Variants in GRB10 observed in about 807,000 individuals in gnomAD.
The protein encoded by GRB10 is growth factor receptor bound protein 10.
GRB10 carries 20 observed loss-of-function variants against 80.9 expected under a neutral mutation model. The ratio of observed to expected loss-of-function variants is 0.25; its 90% CI spans 0.17 to 0.36. The LOEUF is 0.36. Ranked by LOEUF, GRB10 falls within the 10% of genes least tolerant of loss-of-function variation. The pLI is 1.00. For synonymous variants in GRB10, 291 were observed against 291.5 expected (o/e 1.00, Z 0.02); for missense variants, 548 against 747.7 (o/e 0.73, Z 3.12).
intron 4 of GRB10, among the ~76,000 whole-genome samples, chr7:50,716,243 A>C (rs1277348262): frequency 6.6e-6 from 1 of 152,224 alleles, no homozygotes; most frequent in Non-Finnish European, 1.5e-5. Flanking sequence ...GTCCTGCCTC[A>C]ACAGTGGGGG....
intron 17 of GRB10, among the ~76,000 whole-genome samples, chr7:50,599,211 G>A (rs1423624517): frequency 6.6e-6 from 1 of 152,144 alleles, no homozygotes; most frequent in Admixed American, 6.5e-5. Flanking sequence ...CCTGGATCCT[G>A]GGATTTCAGG....
At chr7:50,721,106 C>T (rs2067651607) in intron 4 of GRB10, among the ~76,000 whole-genome samples, 1 of 152,244 alleles carries the variant, frequency 6.6e-6, no homozygotes, top group African/African-American at 2.4e-5. Context: ...AGTAAAGGTA[C>T]CCAAACACGA....
At chr7:50,613,732 G>A (rs185961429) in intron 12 of GRB10, among the ~76,000 whole-genome samples, 1 of 152,296 alleles carries the variant, frequency 6.6e-6, no homozygotes, top group East Asian at 1.9e-4. Context: ...CTCCAGCCCC[G>A]CCTGAGGCTG....
At position 50,683,060 on chromosome 7, in the gene GRB10, C is replaced by T. The variant is rs79347810; in HGVS notation, c.140-8402G>A. Among the ~76,000 whole-genome samples the T allele has an allele frequency of 5.7e-3, 875 of 152,236 alleles. 10 individuals carry two copies. The highest frequency in any genetic ancestry group is 0.02 in the African/African-American group (833 of 41,536). ...AACAGCACTATTCACAACCCAAAGG[C>T]GGAAACAGCACAAGTGCCCCTCAAC... On this transcript the variant is annotated intron_variant, in intron 5 of 18. Coordinates refer to ENST00000401949, the MANE Select transcript of GRB10 (RefSeq NM_001350814.2).
rs1321397158 is a variant in GRB10, at chr7:50,590,370, T to G, written c.*2582A>C. On this transcript the variant is annotated 3_prime_UTR_variant, in exon 19 of 19. Transcript: ENST00000401949. Reference sequence around the variant, plus strand: ...AGAGATCGGTCATACTGTCAGGTATTAAGTGCAGAAAAGAGAAGACAAAAC... The same window carrying G: ...AGAGATCGGTCATACTGTCAGGTATGAAGTGCAGAAAAGAGAAGACAAAAC... 1 of 152,218 alleles carries G rather than the reference T, an allele frequency of 6.6e-6. No homozygotes were observed. Among genetic ancestry groups the G allele is most frequent in the African/African-American group, 2.4e-5 (1 of 41,452 alleles). 9.4% of individuals were successfully genotyped at this position (152,218 alleles called of 1,614,324 possible). A position where few individuals can be genotyped will look rare whatever the true frequency, so the allele number is the denominator to read the frequency against.
chr7:50,617,732 A>G, intron 10 of GRB10: 1 of 402,672 alleles, frequency 2.5e-6, no homozygotes, highest in Non-Finnish European at 4.5e-6. Context: ...CTGCTCAGAA[A>G]GGAGCTGGGG....
chr7:50,767,767 T>C lies in GRB10; in HGVS notation c.-216-11711A>G, dbSNP rs114574158. Among the ~76,000 whole-genome samples, 248 of 152,306 alleles carry C rather than the reference T, an allele frequency of 1.6e-3. 1 individual carries two copies. The highest frequency in any genetic ancestry group is 4.1e-3 in the African/African-American group (171 of 41,560). On this transcript the variant is annotated intron_variant, in intron 2 of 18. Coordinates refer to ENST00000401949, the MANE Select transcript of GRB10 (RefSeq NM_001350814.2). ...GCAGTGAGCCACTAGGCCCGCCATG[T>C]TGGGGACCCTGACTGTGTCCTACAC...
At chr7:50,734,174 G>A (rs1219249317) in intron 3 of GRB10, among the ~76,000 whole-genome samples, 2 of 152,130 alleles carry the variant, frequency 1.3e-5, no homozygotes, top group Admixed American at 6.5e-5. Flanking sequence ...TTTGCTGCCA[G>A]ATCGCAGGAC....
At chr7:50,645,811 C>T (rs1033304828) in intron 7 of GRB10, among the ~76,000 whole-genome samples, 1 of 152,180 alleles carries the variant, frequency 6.6e-6, no homozygotes, top group East Asian at 1.9e-4. Flanking sequence ...AGGGAACTGT[C>T]ACCAGAGCCC....
chr7:50,678,272 C>T (rs1235474986), intron 5 of GRB10, among the ~76,000 whole-genome samples: 1 of 152,224 alleles, frequency 6.6e-6, no homozygotes, highest in Non-Finnish European at 1.5e-5. Flanking sequence ...CTTTTACTCT[C>T]CTCTGAGGTG....
chr7:50,603,353 G>A (rs890742054), intron 17 of GRB10, among the ~76,000 whole-genome samples: 1 of 152,186 alleles, frequency 6.6e-6, no homozygotes, highest in Non-Finnish European at 1.5e-5. Context: ...CGGGATGGTG[G>A]CAAATGTGAT....
chr7:50,737,395 T>TG (rs748299520), intron 3 of GRB10, among the ~76,000 whole-genome samples: 6 of 152,230 alleles, frequency 3.9e-5, no homozygotes, highest in Non-Finnish European at 8.8e-5. Flanking sequence ...ACGTAAGATG[T>TG]GCTTCCTTCC....
At position 50,773,207 on chromosome 7, in the gene GRB10, G is replaced by A. The variant is rs554788058; in HGVS notation, c.-217+7420C>T. ...AATAGCATGGGAAAGACCCAACCCC[G>A]TGATTCAATTACCTCCCACCAGGTC... is the stretch of plus-strand genomic sequence containing the variant. On this transcript the variant is annotated intron_variant, in intron 2 of 18. Coordinates refer to ENST00000401949, the MANE Select transcript of GRB10 (RefSeq NM_001350814.2). 4.0e-5 allele frequency among the ~76,000 whole-genome samples: 6 copies of A among 151,804 alleles called. No individual in the cohort carries two copies. The South Asian group carries it at 6.2e-4, about 16-fold the overall frequency.
At chr7:50,612,175 T>C (rs1243667054) in intron 13 of GRB10, among the ~76,000 whole-genome samples, 1 of 152,250 alleles carries the variant, frequency 6.6e-6, no homozygotes, top group African/African-American at 2.4e-5. Context: ...GTATAATTCA[T>C]CATGTTTACT....
intron 7 of GRB10, among the ~76,000 whole-genome samples, chr7:50,662,492 G>T (rs1414024173): frequency 6.6e-6 from 1 of 152,206 alleles, no homozygotes; most frequent in Non-Finnish European, 1.5e-5. Flanking sequence ...CCAGGCAGGA[G>T]GGGGGACAGA....
chr7:50,615,481 G>T (rs1394660250), intron 11 of GRB10, among the ~76,000 whole-genome samples: 1 of 152,194 alleles, frequency 6.6e-6, no homozygotes, highest in South Asian at 2.1e-4. Flanking sequence ...CCCAGGTGTC[G>T]GCAGCTGCTG....
At chr7:50,726,756 G>A (rs9649765) in intron 4 of GRB10, among the ~76,000 whole-genome samples, 3,379 of 152,220 alleles carry the variant, frequency 0.022, 138 homozygotes, top group East Asian at 0.18. Flanking sequence ...GGCATTTCAT[G>A]ATCAAAGAAA....
chr7:50,722,711 G>T (rs1423673637), intron 4 of GRB10, among the ~76,000 whole-genome samples: 1 of 152,022 alleles, frequency 6.6e-6, no homozygotes, highest in Non-Finnish European at 1.5e-5. Flanking sequence ...TGATGAGGTG[G>T]GGTGACAGGG....
intron 4 of GRB10, among the ~76,000 whole-genome samples, chr7:50,719,870 T>A (rs1451959521): frequency 6.6e-6 from 1 of 151,982 alleles, no homozygotes; most frequent in Non-Finnish European, 1.5e-5. Context: ...TTTTTTTTCT[T>A]AAGTCATACT....
Sources: allele counts gnomAD v4.1 joint callset (sites outside exome capture counted in the v4.1 genomes callset), GRCh38; gene constraint gnomAD v4.1.1; transcripts MANE v1.5; gene names NCBI Gene and HGNC (gene_info 2026-07-23, HGNC 2026-07-21).